Variants in MTA3 observed in about 807,000 individuals in gnomAD.
MTA3 encodes the protein metastasis associated 1 family member 3, also known as metastasis-associated protein MTA3.
A neutral mutation model predicts 83.5 loss-of-function variants in MTA3; 34 were observed. The observed-to-expected ratio is 0.41, with a 90% CI of 0.31 to 0.54. The LOEUF is 0.54. Ranked by LOEUF, MTA3 falls within the 20% of genes least tolerant of loss-of-function variation. The pLI is 0.33. For synonymous variants in MTA3, 303 were observed against 252.7 expected (o/e 1.20, Z -1.89); for missense variants, 761 against 726.4 (o/e 1.05, Z -0.55).
At chr2:42,693,124 C>T (rs1206438038) in intron 9 of MTA3, among the ~76,000 whole-genome samples, 1 of 152,164 alleles carries the variant, frequency 6.6e-6, no homozygotes, top group Non-Finnish European at 1.5e-5. Flanking sequence ...CTCCTTCCTT[C>T]TCTCCCCACA....
At chr2:42,622,763 A>C (rs557939519) in intron 4 of MTA3, among the ~76,000 whole-genome samples, 2 of 151,510 alleles carry the variant, frequency 1.3e-5, no homozygotes, top group Non-Finnish European at 2.9e-5. Context: ...AAGTGCTGGG[A>C]TTATAGGTGT....
chr2:42,749,971 A>T (rs1669747554), intron 16 of MTA3, among the ~76,000 whole-genome samples: 1 of 151,928 alleles, frequency 6.6e-6, no homozygotes, highest in Non-Finnish European at 1.5e-5. Flanking sequence ...GATATTAATG[A>T]TAGTGGCTTT....
chr2:42,500,085 A>G (rs1674329404), intron 2 of MTA3, among the ~76,000 whole-genome samples: 4 of 152,112 alleles, frequency 2.6e-5, no homozygotes, highest in Admixed American at 2.0e-4. Flanking sequence ...CCTGGGCAAC[A>G]TGGTGAAACT....
intron 2 of MTA3, among the ~76,000 whole-genome samples, chr2:42,527,935 T>C (rs1263543678): frequency 6.6e-6 from 1 of 152,148 alleles, no homozygotes; most frequent in Non-Finnish European, 1.5e-5. Flanking sequence ...TTTCTTTTCT[T>C]TTTTGAGACG....
chr2:42,697,026 TC>T (rs1693449964), intron 10 of MTA3, among the ~76,000 whole-genome samples: 1 of 152,322 alleles, frequency 6.6e-6, no homozygotes, highest in East Asian at 1.9e-4. Context: ...TTTCAAGTTG[TC>T]CCCCTAAGTA....
intron 4 of MTA3, among the ~76,000 whole-genome samples, chr2:42,629,222 G>A (rs1287076201): frequency 6.6e-6 from 1 of 152,024 alleles, no homozygotes; most frequent in Non-Finnish European, 1.5e-5. Flanking sequence ...TGGGATTACA[G>A]GTGCACGCCA....
chr2:42,579,459 C>G (rs915126907), intron 3 of MTA3, among the ~76,000 whole-genome samples: 13 of 147,270 alleles, frequency 8.8e-5, no homozygotes, highest in African/African-American at 3.0e-4. Context: ...ACAAAGTTTG[C>G]TCTGTCACCC....
intron 6 of MTA3, among the ~76,000 whole-genome samples, chr2:42,647,163 A>G (rs111856618): frequency 0.014 from 2,068 of 151,086 alleles, 86 homozygotes; most frequent in African/African-American, 0.047. Context: ...TCTAAAAAAA[A>G]AAAACAAAAA....
intron 14 of MTA3, among the ~76,000 whole-genome samples, chr2:42,713,256 T>G (rs1666768546): frequency 6.6e-6 from 1 of 152,218 alleles, no homozygotes; most frequent in Admixed American, 6.5e-5. Flanking sequence ...GCTATTTTTC[T>G]GTTTGAAGAA....
intron 2 of MTA3, among the ~76,000 whole-genome samples, chr2:42,532,103 G>A (rs1040654319): frequency 3.9e-5 from 6 of 152,176 alleles, no homozygotes; most frequent in African/African-American, 1.4e-4. Context: ...AACTTTCCCT[G>A]AGCTTAGCCA....
intron 16 of MTA3, among the ~76,000 whole-genome samples, chr2:42,724,636 T>TCA (rs10560395): frequency 0.014 from 2,049 of 141,788 alleles, 21 homozygotes; most frequent in African/African-American, 0.027. Context: ...AGAGACCCCA[T>TCA]CACACACACA....
intron 3 of MTA3, among the ~76,000 whole-genome samples, chr2:42,589,587 C>T (rs546542878): frequency 5.3e-5 from 8 of 152,250 alleles, no homozygotes; most frequent in African/African-American, 1.9e-4. Flanking sequence ...GAGTTTTGCT[C>T]TTTCACCCAG....
At chr2:42,703,933 A>T in intron 11 of MTA3, 1 of 293,036 alleles carries the variant, frequency 3.4e-6, no homozygotes, top group South Asian at 3.9e-5. Context: ...AGGAAATTGT[A>T]TTCGGACCAG....
At chr2:42,521,204 C>T (rs1341692922) in intron 2 of MTA3, among the ~76,000 whole-genome samples, 1 of 152,188 alleles carries the variant, frequency 6.6e-6, no homozygotes, top group African/African-American at 2.4e-5. Flanking sequence ...CTTCTTGGCT[C>T]ACTCTGAGGG....
intron 8 of MTA3, chr2:42,680,412 G>T (rs757608160): frequency 1.3e-5 from 2 of 152,190 alleles, no homozygotes; most frequent in Non-Finnish European, 2.9e-5. Context: ...TTCTATTGTT[G>T]CGTAGAAGTG....
At chr2:42,708,081 A>C in intron 13 of MTA3, 27 bp downstream of exon 13, 1 of 1,581,252 alleles carries the variant, frequency 6.3e-7, no homozygotes, top group Non-Finnish European at 8.6e-7. Context: ...AGTGTTGAAA[A>C]ATGGCATGTT....
At chr2:42,610,394 G>A (rs929427120) in intron 4 of MTA3, among the ~76,000 whole-genome samples, 8 of 152,174 alleles carry the variant, frequency 5.3e-5, no homozygotes, top group African/African-American at 1.7e-4. Context: ...AACACCTGAT[G>A]TATGCATTGA....
intron 1 of MTA3, 125 bp downstream of exon 1, chr2:42,568,898 G>A (rs940562921): frequency 2.1e-6 from 2 of 963,572 alleles, no homozygotes; most frequent in African/African-American, 3.4e-5. Context: ...GGGCTGGGGC[G>A]CCGGGGCCCG....
At chr2:42,578,532 T>G (rs1225492515) in intron 2 of MTA3, among the ~76,000 whole-genome samples, 1 of 152,178 alleles carries the variant, frequency 6.6e-6, no homozygotes, top group African/African-American at 2.4e-5. Context: ...TAGACTTCCT[T>G]GGTGTAGAGA....
Sources: gnomAD v4.1 joint callset for allele counts (sites outside exome capture counted in the v4.1 genomes callset) on GRCh38, gnomAD v4.1.1 for gene constraint, MANE v1.5 for transcripts, NCBI Gene and HGNC (gene_info 2026-07-23, HGNC 2026-07-21) for gene names.